The following ST7 variants were observed in gnomAD, a reference collection of about 807,000 sequenced individuals.
The protein encoded by ST7 is suppression of tumorigenicity 7.
A neutral mutation model predicts 78.7 loss-of-function variants in ST7; 28 were observed. The ratio of observed to expected loss-of-function variants is 0.36; its 90% CI spans 0.26 to 0.49. The LOEUF (loss-of-function observed/expected upper bound fraction) is 0.49. Among genes scored for constraint, ST7 ranks in the 20% least tolerant of loss-of-function variants. The probability of loss-of-function intolerance (pLI) is 0.99; values close to 1 mark genes in which losing one functional copy is unlikely to be tolerated. For synonymous variants in ST7, 247 were observed against 249.6 expected (o/e 0.99, Z 0.10); for missense variants, 418 against 696.0 (o/e 0.60, Z 4.49).
intron 1 of ST7, among the ~76,000 whole-genome samples, chr7:117,066,561 A>G (rs964598437): frequency 6.6e-6 from 1 of 152,120 alleles, no homozygotes. Context: ...GGAGTTCGAG[A>G]CCAGCCTGGC....
intron 1 of ST7, among the ~76,000 whole-genome samples, chr7:117,006,085 G>T (rs35901374): frequency 6.6e-6 from 1 of 152,234 alleles, no homozygotes; most frequent in East Asian, 1.9e-4. Flanking sequence ...CCTAAAGAAG[G>T]CTCCAAAGTG....
intron 1 of ST7, among the ~76,000 whole-genome samples, chr7:117,082,047 T>G (rs1799823641): frequency 6.6e-6 from 1 of 152,220 alleles, no homozygotes; most frequent in Non-Finnish European, 1.5e-5. Context: ...GTCAGATTTC[T>G]TTATCAGAGA....
intron 1 of ST7, among the ~76,000 whole-genome samples, chr7:117,009,257 G>GTTTT (rs1171249318): frequency 5.4e-5 from 1 of 18,478 alleles, no homozygotes; most frequent in South Asian, 1.9e-3. Flanking sequence ...CTTTTTTTTT[G>GTTTT]TTTTTTTTTT....
rs542434178 is a variant in ST7 at position 117,034,971 on chromosome 7, G to A, written c.152-64791G>A. 5.7e-3 allele frequency among the ~76,000 whole-genome samples: 866 copies of A among 152,214 alleles called. 8 individuals are homozygous for A. Among genetic ancestry groups the A allele is most frequent in the Non-Finnish European group, 8.2e-3 (556 of 67,998 alleles). On this transcript the variant is annotated intron_variant, in intron 1 of 15. Transcript: ENST00000323984. ...TGTTTAGTTGTGTAAGGGTGATCCG[G>A]AAACAGCATTGCTACCCTCCAAGAC...
chr7:117,063,593 C>T lies in ST7; in HGVS notation c.152-36169C>T, dbSNP rs548818521. Among the ~76,000 whole-genome samples, 8 of 152,206 alleles carry T rather than the reference C, an allele frequency of 5.3e-5. No homozygotes were observed. The South Asian group carries it at 1.4e-3, about 28-fold the overall frequency. ...GTGTGGTGGCATGCACCTGTAGTCC[C>T]AGCTACCTGAGAGGCTGAAGTGGGA... On this transcript the variant is annotated intron_variant, in intron 1 of 15. Transcript: ENST00000323984.
At chr7:117,059,807 C>CA (rs35792944) in intron 1 of ST7, among the ~76,000 whole-genome samples, 7,133 of 31,516 alleles carry the variant, frequency 0.23, 1,114 homozygotes, top group African/African-American at 0.4. Flanking sequence ...TTCATCTCTG[C>CA]AAAAAAAAAA....
At chr7:116,973,487 G>A (rs1366166127) in intron 1 of ST7, among the ~76,000 whole-genome samples, 2 of 152,136 alleles carry the variant, frequency 1.3e-5, no homozygotes, top group Non-Finnish European at 2.9e-5. Context: ...AAACTCCTGG[G>A]CTCAAGCGAT....
At position 117,106,026 on chromosome 7, in the gene ST7, G is replaced by C. The variant is rs925319542; in HGVS notation, c.234+6182G>C. On this transcript the variant is annotated intron_variant, in intron 2 of 15. Coordinates refer to ENST00000323984, the MANE Select transcript of ST7 (RefSeq NM_001369598.1). Reference sequence around the variant, plus strand: ...TTTTTTTTTGAGACGGAGTCTCGCTGTGTCGCCCAGGCCAGACTGCGGACT... The same window carrying C: ...TTTTTTTTTGAGACGGAGTCTCGCTCTGTCGCCCAGGCCAGACTGCGGACT... 1.8e-4 allele frequency among the ~76,000 whole-genome samples: 28 copies of C among 151,654 alleles called. 1 individual carries two copies. Among genetic ancestry groups the C allele is most frequent in the South Asian group, 1.2e-3 (6 of 4,808 alleles).
At position 117,169,434 on chromosome 7, in the gene ST7, C is replaced by T. The variant is rs577907062; in HGVS notation, c.964-1428C>T. 5.9e-5 allele frequency among the ~76,000 whole-genome samples: 9 copies of T among 152,156 alleles called. No homozygotes were observed. The South Asian group carries it at 1.7e-3, about 28-fold the overall frequency. On this transcript the variant is annotated intron_variant, in intron 9 of 15. Coordinates refer to ENST00000323984, the MANE Select transcript of ST7 (RefSeq NM_001369598.1). ...TATAGTCATGAGCCACTATGCCTGG[C>T]CAGATTTTACCTTTCTTGAAGATAA...
At chr7:117,214,661 T>C (rs1792548163) in intron 13 of ST7, among the ~76,000 whole-genome samples, 1 of 151,896 alleles carries the variant, frequency 6.6e-6, no homozygotes, top group Admixed American at 6.6e-5. Flanking sequence ...ACTCCAGATA[T>C]CATATGATGG....
At chr7:117,137,399 G>C (rs1804882830) in intron 8 of ST7, 1 of 152,066 alleles carries the variant, frequency 6.6e-6, no homozygotes, top group African/African-American at 2.4e-5. Flanking sequence ...GCATTTTGAA[G>C]ACATGTAGTA....
intron 12 of ST7, among the ~76,000 whole-genome samples, chr7:117,203,587 A>G (rs1409037473): frequency 1.3e-5 from 2 of 152,182 alleles, no homozygotes; most frequent in African/African-American, 4.8e-5. Flanking sequence ...TTTAATTAGT[A>G]AAATTGATGT....
intron 2 of ST7, 91 bp from the exon 3 acceptor site, chr7:117,119,470 G>A: frequency 8.3e-7 from 1 of 1,204,848 alleles, no homozygotes; most frequent in East Asian, 2.7e-5. Flanking sequence ...ACTTAAGGTG[G>A]AATTAGTAAA....
At chr7:117,112,342 A>G (rs919875883) in intron 2 of ST7, 1 of 152,238 alleles carries the variant, frequency 6.6e-6, no homozygotes, top group African/African-American at 2.4e-5. Flanking sequence ...CAGGTGTACT[A>G]TATTAAGCAC....
rs574406488 is a variant in ST7, at chr7:117,196,956, T to G, written c.1254+6020T>G. On this transcript the variant is annotated intron_variant, in intron 12 of 15. Coordinates refer to ENST00000323984, the MANE Select transcript of ST7 (RefSeq NM_001369598.1). ...AAATTTTTAATGCATTTTGAGTTGA[T>G]TTTTGTGTATGGTGTAAGATAAGAG... Among the ~76,000 whole-genome samples, 4 of 152,298 alleles carry G rather than the reference T, an allele frequency of 2.6e-5. No individual in the cohort carries two copies. The East Asian group carries it at 7.7e-4, about 29-fold the overall frequency.
intron 1 of ST7, 40 bp downstream of exon 1, chr7:116,953,731 C>T: frequency 1.3e-5 from 18 of 1,362,318 alleles, no homozygotes; most frequent in Non-Finnish European, 1.7e-5. Flanking sequence ...CCACCCCTCC[C>T]CCGCCCCGGA....
chr7:117,160,187 T>A (rs1338993338), intron 9 of ST7, among the ~76,000 whole-genome samples: 8 of 146,852 alleles, frequency 5.4e-5, no homozygotes, highest in South Asian at 2.2e-4. Flanking sequence ...GAGCCAAGAT[T>A]GCCCCACTGC....
intron 7 of ST7, 49 bp from the exon 8 acceptor site, chr7:117,136,032 C>T (rs1162839207): frequency 6.3e-7 from 1 of 1,597,658 alleles, no homozygotes. Flanking sequence ...CAGTCTATTA[C>T]CATGTCCTTG....
chr7:117,167,195 A>G (rs1057334612), intron 9 of ST7, among the ~76,000 whole-genome samples: 1 of 150,724 alleles, frequency 6.6e-6, no homozygotes, highest in Non-Finnish European at 1.5e-5. Context: ...AGCATTAGGT[A>G]TATCACCCTC....
Sources: allele counts gnomAD v4.1 joint callset (sites outside exome capture counted in the v4.1 genomes callset), GRCh38; gene constraint gnomAD v4.1.1; transcripts MANE v1.5; gene names NCBI Gene and HGNC (gene_info 2026-07-23, HGNC 2026-07-21).